PCDHGA5: variants seen among roughly 807,000 people sequenced by gnomAD.
PCDHGA5 encodes protocadherin gamma-A5.
A neutral mutation model predicts 56.7 loss-of-function variants in PCDHGA5; 36 were observed. The ratio of observed to expected loss-of-function variants is 0.64; its 90% CI spans 0.49 to 0.84. The LOEUF is 0.84. Ranked by LOEUF, PCDHGA5 falls within the 40% of genes least tolerant of loss-of-function variation. PCDHGA5 has a pLI of 0.00. For missense variants in PCDHGA5, 1,305 were observed against 1,201.5 expected (o/e 1.09, Z -1.27); for synonymous variants, 563 against 520.2 (o/e 1.08, Z -1.12).
intron 1 of PCDHGA5, among the ~76,000 whole-genome samples, chr5:141,483,459 G>A (rs1214951485): frequency 6.6e-6 from 1 of 152,186 alleles, no homozygotes; most frequent in Non-Finnish European, 1.5e-5. Flanking sequence ...AGGACTTGTT[G>A]ATTGACATGA....
At position 141,494,826 on chromosome 5, in the gene PCDHGA5, A is replaced by C; in HGVS notation, c.2441A>C (p.Asp814Ala). The change falls in exon 2 of 4, where the codon GAC becomes GCC. Residue 814 changes from aspartate to alanine, a missense_variant. Asp to Ala is a moderately radical substitution (Grantham distance 126, BLOSUM62 -2). Transcript: ENST00000518069. The part of the protein sequence containing the change: ...RRVQQAPPNT[D>A]WRFSQAQRPG... ...CCACAGCAAGCCCCGCCCAACACGGACTGGCGTTTCTCTCAGGCCCAGAGA... is the reference window on the plus strand; with the variant it reads ...CCACAGCAAGCCCCGCCCAACACGGCCTGGCGTTTCTCTCAGGCCCAGAGA... 4 of 1,613,960 alleles carry C rather than the reference A, an allele frequency of 2.5e-6. No individual in the cohort carries two copies. Among genetic ancestry groups the C allele is most frequent in the Non-Finnish European group, 3.4e-6 (4 of 1,179,976 alleles).
At chr5:141,500,145 T>C (rs2099796736) in intron 2 of PCDHGA5, among the ~76,000 whole-genome samples, 2 of 151,992 alleles carry the variant, frequency 1.3e-5, no homozygotes, top group East Asian at 3.9e-4. Context: ...TAAACTTTTC[T>C]TTGTGTAATC....
chr5:141,486,287 A>G lies in PCDHGA5; in HGVS notation c.2422-8520A>G, dbSNP rs1484787777. Reference sequence around the variant, plus strand: ...AGAACCTGGCACTGTGGTGGCACTTATCAGTGTGCAGGATCCAGACTCAGG... The same window carrying G: ...AGAACCTGGCACTGTGGTGGCACTTGTCAGTGTGCAGGATCCAGACTCAGG... On this transcript the variant is annotated intron_variant, in intron 1 of 3. Transcript: ENST00000518069. The surrounding 1 kb of genome is among the most constrained non-coding windows in gnomAD (Gnocchi z 5.0). 1 of 1,613,912 alleles carries G rather than the reference A, an allele frequency of 6.2e-7. No homozygotes were observed. The highest frequency in any genetic ancestry group is 8.5e-7 in the Non-Finnish European group (1 of 1,179,970).
intron 1 of PCDHGA5, among the ~76,000 whole-genome samples, chr5:141,455,177 T>C (rs2098816411): frequency 6.6e-6 from 1 of 152,040 alleles, no homozygotes; most frequent in Non-Finnish European, 1.5e-5. Context: ...TTTTAGTTTT[T>C]TTATTTCTCT....
At chr5:141,376,285 C>A in intron 1 of PCDHGA5, 2 of 1,614,230 alleles carry the variant, frequency 1.2e-6, no homozygotes, top group Non-Finnish European at 1.7e-6. Context: ...GCTTAGCGAG[C>A]ATGCCCGGCT....
Position 141,364,427 on chromosome 5 carries a change from T to A in PCDHGA5, c.97T>A (p.Tyr33Asn). The stretch of plus-strand genomic sequence containing the variant: ...CGAGCCAGGATCCGGGCAGATCCGC[T>A]ACTCGATGCCGGAGGAGCTGGACAA... ...LCEPGSGQIRYSMPEELDKGS... is the reference protein window; with the variant it reads ...LCEPGSGQIRNSMPEELDKGS... Residue 33 changes from tyrosine to asparagine, a missense_variant, in exon 1 of 4, where the codon TAC becomes AAC. Transcript: ENST00000518069. 1 of 1,613,768 alleles carries A rather than the reference T, an allele frequency of 6.2e-7. No individual in the cohort carries two copies. The highest frequency in any genetic ancestry group is 8.5e-7 in the Non-Finnish European group (1 of 1,179,730).
chr5:141,406,253 C>CA (rs2094783585), intron 1 of PCDHGA5, among the ~76,000 whole-genome samples: 1 of 151,976 alleles, frequency 6.6e-6, no homozygotes, highest in Admixed American at 6.6e-5. Flanking sequence ...AGACTGGTCT[C>CA]AAACGATCTT....
rs1038145479 is a variant in PCDHGA5 at position 141,408,047 on chromosome 5, A to G, written c.2421+41296A>G. The G allele has an allele frequency of 5.6e-6, 7 of 1,243,316 alleles. No individual in the cohort carries two copies. In the African/African-American group the frequency reaches 1.1e-4, roughly 19 times the overall value. The allele number at this position is 1,243,316 out of a possible 1,614,324, so 77.0% of individuals were successfully genotyped here. On this transcript the variant is annotated intron_variant, in intron 1 of 3. Coordinates refer to ENST00000518069, the MANE Select transcript of PCDHGA5 (RefSeq NM_018918.3). ...GAAAGAAGAAAACCAGCTCCCACAC[A>G]GAGCCTCCCGGCTGCGCAGACCTTT...
intron 1 of PCDHGA5, chr5:141,398,960 C>A (rs779158655): frequency 3.1e-6 from 5 of 1,613,986 alleles, no homozygotes. Flanking sequence ...TCAGAAATTA[C>A]TTATTCCTTC....
At chr5:141,372,292 G>T in intron 1 of PCDHGA5, 1 of 1,613,282 alleles carries the variant, frequency 6.2e-7, no homozygotes, top group Non-Finnish European at 8.5e-7. Context: ...CGTACCTTGG[G>T]CGACAGGGAG....
At chr5:141,370,557 G>C in intron 1 of PCDHGA5, 3 of 1,613,966 alleles carry the variant, frequency 1.9e-6, no homozygotes, top group Non-Finnish European at 2.5e-6. Flanking sequence ...CAAGGACCTG[G>C]GGTTTGGCGT....
intron 1 of PCDHGA5, chr5:141,383,701 G>A (rs761689266): frequency 2.5e-6 from 4 of 1,613,810 alleles, no homozygotes; most frequent in South Asian, 1.1e-5. Flanking sequence ...ACATGCTATC[G>A]ACCTGGACGA....
At position 141,449,274 on chromosome 5, in the gene PCDHGA5, T is replaced by C. The variant is rs569352843; in HGVS notation, c.2422-45533T>C. 3.9e-5 allele frequency among the ~76,000 whole-genome samples: 6 copies of C among 152,260 alleles called. No individual in the cohort carries two copies. In the East Asian group the frequency reaches 1.2e-3, roughly 29 times the overall value. On this transcript the variant is annotated intron_variant, in intron 1 of 3. Transcript: ENST00000518069. ...GAATTGTACAAAGAACTGTATCTCC[T>C]TCACCCGGATGCACCGGGTGAATTA...
intron 1 of PCDHGA5, chr5:141,409,980 C>T (rs2095343394): frequency 6.2e-7 from 1 of 1,613,322 alleles, no homozygotes; most frequent in Non-Finnish European, 8.5e-7. Context: ...AAGGTGGTAG[C>T]GGTGGACGCC....
chr5:141,511,632 G>A lies in PCDHGA5; in HGVS notation c.*459G>A, dbSNP rs1388627906. The A allele has an allele frequency of 8.6e-6, 2 of 231,934 alleles. No homozygotes were observed. The highest frequency in any genetic ancestry group is 5.1e-5 in the Admixed American group (1 of 19,634). 14.4% of individuals were successfully genotyped at this position (231,934 alleles called of 1,614,324 possible). A position where few individuals can be genotyped will look rare whatever the true frequency, so the allele number is the denominator to read the frequency against. On this transcript the variant is annotated 3_prime_UTR_variant, in exon 4 of 4. Transcript: ENST00000518069. ...CCTCCTAGTTCTGAAAAGTTGGAAG[G>A]GCATCATGACCTCTTGGCCTCTCCT...
chr5:141,503,343 T>C (rs558650835), intron 2 of PCDHGA5, among the ~76,000 whole-genome samples: 87 of 152,106 alleles, frequency 5.7e-4, no homozygotes, highest in South Asian at 1.2e-3. Flanking sequence ...ACGCCTGTAA[T>C]TCCAGCACTT....
At chr5:141,501,550 A>G (rs1251701030) in intron 2 of PCDHGA5, among the ~76,000 whole-genome samples, 3 of 152,078 alleles carry the variant, frequency 2.0e-5, no homozygotes, top group Non-Finnish European at 4.4e-5. Flanking sequence ...ATAAGATCAT[A>G]GGCCCTGGAA....
At chr5:141,441,615 G>A in intron 1 of PCDHGA5, 1 of 219,248 alleles carries the variant, frequency 4.6e-6, no homozygotes, top group Non-Finnish European at 9.2e-6. Context: ...TTCCATCGTG[G>A]CCAGTGACCT....
chr5:141,505,210 A>G (rs899138393), intron 2 of PCDHGA5, among the ~76,000 whole-genome samples, 183 bp from the exon 3 acceptor site: 3 of 152,192 alleles, frequency 2.0e-5, no homozygotes, highest in African/African-American at 7.2e-5. Flanking sequence ...GGTTTGAGGG[A>G]CTGACTTGTG....
Sources: gnomAD v4.1 joint callset for allele counts (sites outside exome capture counted in the v4.1 genomes callset) on GRCh38, gnomAD v4.1.1 for gene constraint, Gnocchi (gnomAD v3.1) non-coding constraint, MANE v1.5 for transcripts, NCBI Gene and HGNC (gene_info 2026-07-23, HGNC 2026-07-21) for gene names.